TTC28: variants seen among roughly 807,000 people sequenced by gnomAD.
TTC28 encodes the protein tetratricopeptide repeat domain 28, also known as tetratricopeptide repeat protein 28.
Under a neutral mutation model 198.0 loss-of-function variants are expected in TTC28, and 61 were observed. The ratio of observed to expected loss-of-function variants is 0.31; its 90% CI spans 0.25 to 0.38. TTC28 has a LOEUF of 0.38. Among genes scored for constraint, TTC28 ranks in the 10% least tolerant of loss-of-function variants. The pLI is 1.00. For synonymous variants in TTC28, 1,171 were observed against 1,297.8 expected (o/e 0.90, Z 2.10); for missense variants, 2,678 against 3,164.0 (o/e 0.85, Z 3.69).
At chr22:28,141,256 T>A (rs987020211) in intron 6 of TTC28, among the ~76,000 whole-genome samples, 1 of 152,200 alleles carries the variant, frequency 6.6e-6, no homozygotes, top group Non-Finnish European at 1.5e-5. Flanking sequence ...CAACTTGCTG[T>A]CTTTTTCAGT....
At chr22:28,579,548 AATAT>A (rs559622730) in intron 2 of TTC28, among the ~76,000 whole-genome samples, 30 of 149,442 alleles carry the variant, frequency 2.0e-4, no homozygotes, top group South Asian at 4.2e-4. Context: ...TTCATTTATC[AATAT>A]ATAGTCACAT....
chr22:28,189,699 T>C (rs1280080278), intron 5 of TTC28, among the ~76,000 whole-genome samples: 2 of 152,076 alleles, frequency 1.3e-5, no homozygotes, highest in Non-Finnish European at 2.9e-5. Flanking sequence ...ATCGATAAAA[T>C]ACTGTCAAAA....
chr22:28,628,334 T>C (rs1251770510), intron 2 of TTC28, among the ~76,000 whole-genome samples: 1 of 152,218 alleles, frequency 6.6e-6, no homozygotes. Context: ...TCTCTTTTTA[T>C]TGTATGTATT....
At chr22:28,579,511 A>G (rs1011358694) in intron 2 of TTC28, among the ~76,000 whole-genome samples, 2 of 148,936 alleles carry the variant, frequency 1.3e-5, no homozygotes, top group East Asian at 1.9e-4. Flanking sequence ...ATATATAGTT[A>G]TATGTATAGT....
At chr22:28,047,591 C>T (rs554495973) in intron 12 of TTC28, among the ~76,000 whole-genome samples, 2 of 152,300 alleles carry the variant, frequency 1.3e-5, no homozygotes, top group East Asian at 3.9e-4. Context: ...GCCCAAAGTT[C>T]GCAAAGCCAT....
chr22:28,049,826 C>T (rs1041881309), intron 12 of TTC28, among the ~76,000 whole-genome samples: 9 of 152,048 alleles, frequency 5.9e-5, no homozygotes, highest in East Asian at 1.9e-4. Flanking sequence ...GGTGTATGTT[C>T]GTGAAGAGTG....
At chr22:28,606,130 C>A (rs1001761194) in intron 2 of TTC28, among the ~76,000 whole-genome samples, 5 of 150,500 alleles carry the variant, frequency 3.3e-5, no homozygotes, top group African/African-American at 4.9e-5. Context: ...GTTGCCCAGG[C>A]TGGAGTGCAA....
chr22:28,193,718 A>G (rs1925112764), intron 5 of TTC28, among the ~76,000 whole-genome samples: 1 of 152,214 alleles, frequency 6.6e-6, no homozygotes, highest in Non-Finnish European at 1.5e-5. Context: ...AAAGGGATCA[A>G]TTCAACAAGA....
chr22:28,117,324 A>C (rs1942660035), intron 6 of TTC28, among the ~76,000 whole-genome samples: 1 of 152,182 alleles, frequency 6.6e-6, no homozygotes, highest in Non-Finnish European at 1.5e-5. Context: ...GTATTAAGCC[A>C]CTAAGATTTA....
Position 28,096,405 on chromosome 22 carries a change from T to C in TTC28, c.3551A>G (p.His1184Arg). The C allele has an allele frequency of 1.9e-6, 3 of 1,551,114 alleles. No individual in the cohort carries two copies. The highest frequency in any genetic ancestry group is 2.7e-5 in the African/African-American group (2 of 73,148). Residue 1184 changes from histidine (H) to arginine (R), a missense_variant, in exon 11 of 23, where the codon CAT (histidine) becomes CGT (arginine). This residue lies in a region of TTC28 where 727 missense variants were observed against 861.9 expected (regional missense o/e 0.84). Transcript: ENST00000397906. ...ALQRVLVSLG[H>R]HDEALAVAER... ...TGCCACAGCCAGGGCTTCATCATGATGGCCTAGGAGACAAAGAGATATGCC... is the reference window on the plus strand; with the variant it reads ...TGCCACAGCCAGGGCTTCATCATGACGGCCTAGGAGACAAAGAGATATGCC...
intron 6 of TTC28, among the ~76,000 whole-genome samples, chr22:28,151,042 A>T (rs182542114): frequency 6.6e-6 from 1 of 152,332 alleles, no homozygotes; most frequent in Admixed American, 6.5e-5. Flanking sequence ...AAAAGTCCCC[A>T]TGGGGGGTTT....
intron 2 of TTC28, among the ~76,000 whole-genome samples, chr22:28,392,874 T>TTC (rs2046755057): frequency 7.3e-6 from 1 of 136,392 alleles, no homozygotes; most frequent in South Asian, 2.6e-4. Flanking sequence ...TCCCTCCTTT[T>TTC]TTTTTTTTTT....
intron 12 of TTC28, among the ~76,000 whole-genome samples, chr22:28,061,515 A>G (rs919767726): frequency 3.9e-5 from 6 of 152,182 alleles, no homozygotes; most frequent in Non-Finnish European, 8.8e-5. Context: ...TTTGTCAAAG[A>G]TCAGATGGTT....
intron 2 of TTC28, among the ~76,000 whole-genome samples, chr22:28,338,450 A>T (rs1236306864): frequency 6.6e-6 from 1 of 151,986 alleles, no homozygotes; most frequent in Non-Finnish European, 1.5e-5. Context: ...ACTTGGTTCC[A>T]TTCTCCCCAT....
At chr22:28,001,324 C>T (rs750013159) in intron 15 of TTC28, 50 bp downstream of exon 15, 42 of 1,520,588 alleles carry the variant, frequency 2.8e-5, no homozygotes, top group Non-Finnish European at 3.4e-5. Flanking sequence ...GACGGTGCCT[C>T]GTGACCCGAA....
chr22:28,584,113 G>A (rs1178768526), intron 2 of TTC28, among the ~76,000 whole-genome samples: 1 of 150,500 alleles, frequency 6.6e-6, no homozygotes, highest in East Asian at 1.9e-4. Flanking sequence ...TCAGGTAGCT[G>A]GAACTACAGG....
At chr22:28,478,412 G>A (rs1401679259) in intron 2 of TTC28, among the ~76,000 whole-genome samples, 1 of 152,160 alleles carries the variant, frequency 6.6e-6, no homozygotes, top group African/African-American at 2.4e-5. Context: ...GGGAGGCTGA[G>A]GAAGGAGAAT....
chr22:28,085,203 T>C (rs1941533346), intron 12 of TTC28, among the ~76,000 whole-genome samples: 1 of 151,212 alleles, frequency 6.6e-6, no homozygotes, highest in Non-Finnish European at 1.5e-5. Context: ...CCAAGACACA[T>C]CATTGTCAGA....
At position 28,571,242 on chromosome 22, in the gene TTC28, G is replaced by A. The variant is rs975822741; in HGVS notation, c.381+58310C>T. Among the ~76,000 whole-genome samples the A allele has an allele frequency of 5.9e-5, 9 of 152,002 alleles. No homozygotes were observed. The East Asian group carries it at 9.7e-4, about 16-fold the overall frequency. On this transcript the variant is annotated intron_variant, in intron 2 of 22. Coordinates refer to ENST00000397906, the MANE Select transcript of TTC28 (RefSeq NM_001145418.2). ...TAAATCTTCGGCACCACTTCTACCCGACTAAATTTTCTACATCATAACTGA... is the reference window on the plus strand; with the variant it reads ...TAAATCTTCGGCACCACTTCTACCCAACTAAATTTTCTACATCATAACTGA...
Sources: allele counts gnomAD v4.1 joint callset (sites outside exome capture counted in the v4.1 genomes callset), GRCh38; gene constraint gnomAD v4.1.1; regional missense constraint gnomAD v4.1.1; transcripts MANE v1.5; gene names NCBI Gene and HGNC (gene_info 2026-07-23, HGNC 2026-07-21).